FAT2: variants seen among roughly 807,000 people sequenced by gnomAD.
FAT2 encodes the protein FAT atypical cadherin 2.
A neutral mutation model predicts 295.3 loss-of-function variants in FAT2; 150 were observed. The observed-to-expected ratio is 0.51, with a 90% confidence interval of 0.44 to 0.58. The LOEUF (loss-of-function observed/expected upper bound fraction) is 0.58, where lower values mean the gene tolerates loss of function less well. FAT2 is among the 20% of genes least tolerant of loss of function. The pLI is 0.00. For synonymous variants in FAT2, 2,026 were observed against 2,150.3 expected (o/e 0.94, Z 1.60); for missense variants, 4,868 against 5,442.7 (o/e 0.89, Z 3.32).
At chr5:151,508,557 A>G (rs889069268) in intron 22 of FAT2, among the ~76,000 whole-genome samples, 3 of 152,162 alleles carry the variant, frequency 2.0e-5, no homozygotes, top group Non-Finnish European at 4.4e-5. Context: ...TAAAAATACA[A>G]AAATTAGCCA....
chr5:151,553,955 C>T (rs1309870842), intron 5 of FAT2, among the ~76,000 whole-genome samples: 2 of 152,184 alleles, frequency 1.3e-5, no homozygotes, highest in Non-Finnish European at 2.9e-5. Flanking sequence ...AGCACCCATG[C>T]GCTAGCTACC....
Position 151,543,146 on chromosome 5 carries a change from TGAA to T in FAT2, c.7978_7980del (p.Phe2660del). The T allele has an allele frequency of 6.2e-7, 1 of 1,614,192 alleles. No homozygotes were observed. The highest frequency in any genetic ancestry group is 8.5e-7 in the Non-Finnish European group (1 of 1,180,028). ...GGAGGGCCTCCATCTTGGGCTTTGA[TGAA>T]GAAGTCAAGGGTCTGATTTTCCAAT... On this transcript the variant is annotated inframe_deletion, in exon 10 of 24. Transcript: ENST00000261800.
rs1318010263 is a variant in FAT2 at position 151,510,015 on chromosome 5, G to C, written c.12059+6C>G. ...GCCCATGGCAGGTGGCCTCTCCTGG[G>C]ATTACCTGTCTCCTGTGTAAGGATG... On this transcript the variant is annotated splice_donor_region_variant and intron_variant, in intron 22 of 23. Coordinates refer to ENST00000261800, the MANE Select transcript of FAT2 (RefSeq NM_001447.3). 1 of 1,613,668 alleles carries C rather than the reference G, an allele frequency of 6.2e-7. No individual in the cohort carries two copies. Among genetic ancestry groups the C allele is most frequent in the Admixed American group, 1.7e-5 (1 of 60,010 alleles).
chr5:151,550,137 A>G (rs1757046451), intron 8 of FAT2, among the ~76,000 whole-genome samples: 1 of 152,180 alleles, frequency 6.6e-6, no homozygotes, highest in Admixed American at 6.5e-5. Flanking sequence ...TGCAAAATTT[A>G]AAGAGGCTCT....
At chr5:151,509,909 C>A (rs1761187256) in intron 22 of FAT2, 112 bp downstream of exon 22, 1 of 1,283,670 alleles carries the variant, frequency 7.8e-7, no homozygotes, top group South Asian at 1.5e-5. Context: ...GGCCTAGAAG[C>A]CAGGTCCCTG....
chr5:151,574,613 A>G (rs1835944), intron 1 of FAT2, among the ~76,000 whole-genome samples: 70,311 of 152,072 alleles, frequency 0.46, 16,361 homozygotes, highest in Middle Eastern at 0.5. Flanking sequence ...ACAGGGCTAC[A>G]TCATTGGGAT....
intron 1 of FAT2, among the ~76,000 whole-genome samples, chr5:151,579,737 T>TAA (rs569520621): frequency 6.9e-6 from 1 of 145,644 alleles, no homozygotes. Flanking sequence ...GAAATACATT[T>TAA]AAAAAAAAAA....
upstream of FAT2, among the ~76,000 whole-genome samples, chr5:151,591,793 C>T (rs1005838128): frequency 3.3e-5 from 5 of 152,302 alleles, no homozygotes; most frequent in African/African-American, 9.6e-5. Context: ...GTCTGAGCCT[C>T]AGTTTCCTTT....
chr5:151,581,071 C>T (rs1253680287), intron 1 of FAT2, among the ~76,000 whole-genome samples: 1 of 152,166 alleles, frequency 6.6e-6, no homozygotes, highest in Admixed American at 6.5e-5. Flanking sequence ...GAGGTGGAGT[C>T]GCTACAGTCA....
chr5:151,559,687 A>G (rs1005040109), intron 3 of FAT2, among the ~76,000 whole-genome samples: 1 of 147,774 alleles, frequency 6.8e-6, no homozygotes, highest in Non-Finnish European at 1.5e-5. Context: ...CTCTCCCCCA[A>G]CCCCATTTGG....
intron 1 of FAT2, among the ~76,000 whole-genome samples, chr5:151,590,422 C>T (rs937838865): frequency 6.6e-6 from 1 of 152,244 alleles, no homozygotes; most frequent in South Asian, 2.1e-4. Context: ...CCCAGTGGCT[C>T]TGCTCAGCGT....
chr5:151,532,076 A>G (rs916923679), intron 13 of FAT2, 106 bp from the exon 14 acceptor site: 1 of 1,442,300 alleles, frequency 6.9e-7, no homozygotes, highest in East Asian at 2.3e-5. Context: ...GCTCCCATGA[A>G]GGCGGACAAG....
At chr5:151,574,909 A>G (rs1302009089) in intron 1 of FAT2, among the ~76,000 whole-genome samples, 3 of 152,226 alleles carry the variant, frequency 2.0e-5, no homozygotes, top group Non-Finnish European at 2.9e-5. Context: ...ATGCCACACA[A>G]TCTCTCCTGG....
chr5:151,540,331 T>C lies in FAT2; in HGVS notation c.9039+236A>G, dbSNP rs142010651. Among the ~76,000 whole-genome samples the C allele has an allele frequency of 2.2e-3, 339 of 151,246 alleles. 2 individuals carry two copies. The highest frequency in any genetic ancestry group is 7.6e-3 in the African/African-American group (313 of 41,088). ...AGTGATGGCCAGCCTCAGAGATGGGTCCCTCGGTCCTCCTTTCTCCTGCCC... is the reference window on the plus strand; with the variant it reads ...AGTGATGGCCAGCCTCAGAGATGGGCCCCTCGGTCCTCCTTTCTCCTGCCC... On this transcript the variant is annotated intron_variant, in intron 11 of 23. Transcript: ENST00000261800.
intron 19 of FAT2, among the ~76,000 whole-genome samples, chr5:151,519,632 G>A (rs954115694): frequency 6.6e-6 from 1 of 152,120 alleles, no homozygotes; most frequent in African/African-American, 2.4e-5. Context: ...TGAGATGGTG[G>A]TCATATTCTT....
rs1758765809 is a variant in FAT2 at position 151,576,833 on chromosome 5, A to G, written c.-20-7882T>C. Among the ~76,000 whole-genome samples, 3 of 152,202 alleles carry G rather than the reference A, an allele frequency of 2.0e-5. 1 individual carries two copies. In the South Asian group the frequency reaches 6.2e-4, roughly 31 times the overall value. On this transcript the variant is annotated intron_variant, in intron 1 of 23. Coordinates refer to ENST00000261800, the MANE Select transcript of FAT2 (RefSeq NM_001447.3). ...ACAAGTTTGTTATTGTGCAAACATC[A>G]TGGAGTGCACTTACACAAACCTAGG... is the stretch of plus-strand genomic sequence containing the variant.
In FAT2 at chr5:151,512,025, C is replaced by G. The variant is rs1009033802; in HGVS notation, c.11905+140G>C. 6 of 723,574 alleles carry G rather than the reference C, an allele frequency of 8.3e-6. No individual in the cohort carries two copies. Among genetic ancestry groups the G allele is most frequent in the South Asian group, 1.9e-5 (1 of 52,416 alleles). The allele number at this position is 723,574 out of a possible 1,614,324, so 44.8% of individuals were successfully genotyped here. ...CCCCTAGTCTAGATATTGCAGATTC[C>G]AACCTGTTACTCACAAGTTAGGGGA... is the stretch of plus-strand genomic sequence containing the variant. On this transcript the variant is annotated intron_variant, in intron 21 of 23. Coordinates refer to ENST00000261800, the MANE Select transcript of FAT2 (RefSeq NM_001447.3). This position sits in a 1 kb window ranked among gnomAD's most constrained non-coding sequence, Gnocchi z 4.1.
Position 151,544,865 on chromosome 5 carries a change from C to T in FAT2, c.6262G>A (p.Val2088Ile), listed in dbSNP as rs775010323. Residue 2088 changes from valine to isoleucine, a missense_variant, in exon 10 of 24, where the codon GTC becomes ATC. Physicochemically the swap from Val to Ile is conservative, Grantham distance 29 (BLOSUM62 3). Around this residue, in one of 5 missense-constraint regions of FAT2, gnomAD observed 3,297 missense variants for 3,669.4 expected, o/e 0.90. Coordinates refer to ENST00000261800, the MANE Select transcript of FAT2 (RefSeq NM_001447.3). ...IIQDGTEPGD[V>I]LFQVSATDED... ...TCAGTGGCAGATACCTGAAAGAGGA[C>T]ATCCCCTGGCTCTGTGCCATCTTGG... 6.2e-7 allele frequency: 1 copy of T among 1,614,070 alleles called. No individual in the cohort carries two copies.
chr5:151,566,146 T>C lies in FAT2; in HGVS notation c.2786A>G (p.His929Arg), dbSNP rs768697978. 3.1e-6 allele frequency: 5 copies of C among 1,614,118 alleles called. No homozygotes were observed. The highest frequency in any genetic ancestry group is 4.2e-6 in the Non-Finnish European group (5 of 1,180,016). ...GTCCTCTGGAACCTTCAGCCTGTTG[T>C]GTTCTGTGATGCACTGGGGAGAGTT... ...NDNSPQCITE[H>R]NRLKVPEDLP... Residue 929 changes from histidine to arginine, a missense_variant, in exon 2 of 24, where the codon CAC becomes CGC. Transcript: ENST00000261800.
Sources: gnomAD v4.1 joint callset for allele counts (sites outside exome capture counted in the v4.1 genomes callset) on GRCh38, gnomAD v4.1.1 for gene constraint, gnomAD v4.1.1 regional missense constraint, Gnocchi (gnomAD v3.1) non-coding constraint, MANE v1.5 for transcripts, NCBI Gene and HGNC (gene_info 2026-07-23, HGNC 2026-07-21) for gene names.